The following AP1M2 variants were observed in gnomAD, a reference collection of about 807,000 sequenced individuals.
AP1M2 encodes adaptor related protein complex 1 subunit mu 2.
Under a neutral mutation model 54.6 loss-of-function variants are expected in AP1M2, and 41 were observed. The ratio of observed to expected loss-of-function variants is 0.75; its 90% CI spans 0.59 to 0.97. AP1M2 has a LOEUF of 0.97. AP1M2 is among the 50% of genes least tolerant of loss of function. AP1M2 has a pLI of 0.00. For synonymous variants in AP1M2, 219 were observed against 215.9 expected, an observed-to-expected ratio of 1.01 and a Z score of -0.13; for missense variants, 507 against 561.2, an observed-to-expected ratio of 0.90 and a Z score of 0.98.
Position 10,581,778 on chromosome 19 carries a change from G to A in AP1M2, c.368C>T (p.Pro123Leu), listed in dbSNP as rs756597491. Residue 123 changes from proline (P) to leucine (L), a missense_variant, in exon 4 of 12, where the codon CCG becomes CTG. Transcript: ENST00000250244. Reference sequence around the variant, plus strand: ...CAGGATCTTGCTGTCGGTGGTCTGCGGGAAGCCAAAGTCCATGAGCTCGTC... The same window carrying A: ...CAGGATCTTGCTGTCGGTGGTCTGCAGGAAGCCAAAGTCCATGAGCTCGTC... ...LLDELMDFGFPQTTDSKILQE... is the reference protein window; with the variant it reads ...LLDELMDFGFLQTTDSKILQE... 3.7e-6 allele frequency: 6 copies of A among 1,613,886 alleles called. No homozygotes were observed. Among genetic ancestry groups the A allele is most frequent in the South Asian group, 2.2e-5 (2 of 91,048 alleles).
chr19:10,584,289 G>C (rs927844659), intron 1 of AP1M2, among the ~76,000 whole-genome samples: 1 of 152,172 alleles, frequency 6.6e-6, no homozygotes, highest in Non-Finnish European at 1.5e-5. Flanking sequence ...TTTATTAAAG[G>C]GTAGGCGATG....
intron 9 of AP1M2, among the ~76,000 whole-genome samples, chr19:10,576,989 C>T (rs936288978): frequency 6.6e-6 from 1 of 152,128 alleles, no homozygotes; most frequent in Non-Finnish European, 1.5e-5. Context: ...GGCAGGGTCT[C>T]ACTGTGTTCC....
chr19:10,583,638 G>C lies in AP1M2; in HGVS notation c.235C>G (p.Leu79Val), dbSNP rs1438581755. 6 of 1,613,436 alleles carry C rather than the reference G, an allele frequency of 3.7e-6. No homozygotes were observed. Among genetic ancestry groups the C allele is most frequent in the Non-Finnish European group, 5.1e-6 (6 of 1,179,540 alleles). Residue 79 changes from leucine to valine, a missense_variant, in exon 3 of 12, where the codon CTG (leucine) becomes GTG (valine). Transcript: ENST00000250244. ...ATTSKNANAS[L>V]VYSFLYKTIE... ...GTCTTATACAGGAAGGAGTACACCAGGGAGGCATTGGCATTCTTCGATGTG... is the reference window on the plus strand; with the variant it reads ...GTCTTATACAGGAAGGAGTACACCACGGAGGCATTGGCATTCTTCGATGTG...
At chr19:10,575,114 T>G (rs1917190132) in intron 9 of AP1M2, 85 bp from the exon 10 acceptor site, 3 of 1,334,974 alleles carry the variant, frequency 2.2e-6, no homozygotes, top group Non-Finnish European at 2.0e-6. Flanking sequence ...GAGTCAGATC[T>G]GCTCACAGCC....
chr19:10,573,865 T>G (rs975493316), intron 11 of AP1M2, among the ~76,000 whole-genome samples: 3 of 151,666 alleles, frequency 2.0e-5, no homozygotes, highest in African/African-American at 7.3e-5. Context: ...TTTGCTGTGT[T>G]GCCAAGGCTG....
chr19:10,581,314 C>G lies in AP1M2; in HGVS notation c.625G>C (p.Glu209Gln). 1 of 1,613,930 alleles carries G rather than the reference C, an allele frequency of 6.2e-7. No individual in the cohort carries two copies. The highest frequency in any genetic ancestry group is 1.3e-5 in the African/African-American group (1 of 75,062). Reference protein sequence around the residue: ...KLKVFLSGMPELRLGLNDRVL... With the variant: ...KLKVFLSGMPQLRLGLNDRVL... The stretch of plus-strand genomic sequence containing the variant: ...CGGTCATTGAGGCCCAGCCGCAGCT[C>G]TGGCATTCCTGACAGAAACACCTTG... The change falls in exon 6 of 12, where the codon GAG (glutamate) becomes CAG (glutamine). Residue 209 changes from glutamate to glutamine, a missense_variant. Physicochemically the swap from Glu to Gln is conservative, Grantham distance 29. Coordinates refer to ENST00000250244, the MANE Select transcript of AP1M2 (RefSeq NM_005498.5).
rs556283553 is a variant in AP1M2, at chr19:10,578,981, G to C, written c.817-18C>G. The C allele has an allele frequency of 4.1e-5, 64 of 1,579,866 alleles. 1 individual carries two copies. The South Asian group carries it at 6.9e-4, about 17-fold the overall frequency. On this transcript the variant is annotated intron_variant, in intron 7 of 11. Transcript: ENST00000250244. ...GGCTTGACCTGTGGGAAGAAGAAGG[G>C]GAGAGTTCTTGGAGACTCCATGTTG... is the stretch of plus-strand genomic sequence containing the variant.
Position 10,584,312 on chromosome 19 carries a change from G to A in AP1M2, c.43-242C>T, listed in dbSNP as rs546024342. Among the ~76,000 whole-genome samples, 10 of 152,338 alleles carry A rather than the reference G, an allele frequency of 6.6e-5. 1 individual carries two copies. Among genetic ancestry groups the A allele is most frequent in the African/African-American group, 2.4e-4 (10 of 41,584 alleles). On this transcript the variant is annotated intron_variant, in intron 1 of 11. Transcript: ENST00000250244. ...AGGGTAGGCGATGGCTGGACGCAGT[G>A]GCTCACGCCTGTGATCCCAGCATTT...
In AP1M2 at chr19:10,578,969, GGAA is replaced by G. The variant is rs1179981593; in HGVS notation, c.817-9_817-7del. 3.8e-6 allele frequency: 6 copies of G among 1,596,040 alleles called. No homozygotes were observed. The highest frequency in any genetic ancestry group is 4.5e-5 in the East Asian group (2 of 44,182). ...ATCCAGATCAGTGGCTTGACCTGTG[GGAA>G]GAAGAAGGGGAGAGTTCTTGGAGAC... On this transcript the variant is annotated splice_polypyrimidine_tract_variant and splice_region_variant and intron_variant, in intron 7 of 11. Coordinates refer to ENST00000250244, the MANE Select transcript of AP1M2 (RefSeq NM_005498.5).
chr19:10,584,133 G>A lies in AP1M2; in HGVS notation c.43-63C>T, dbSNP rs1599554364. On this transcript the variant is annotated intron_variant, in intron 1 of 11. Coordinates refer to ENST00000250244, the MANE Select transcript of AP1M2 (RefSeq NM_005498.5). ...TCCAAGAACCTACCACGCTGAGGAG[G>A]CACAGTGCCCGGTTCTGACCCTACT... 1.9e-6 allele frequency: 3 copies of A among 1,554,632 alleles called. No individual in the cohort carries two copies. In the East Asian group the frequency reaches 7.1e-5, roughly 37 times the overall value.
intron 2 of AP1M2, 29 bp from the exon 3 acceptor site, chr19:10,583,702 C>A: frequency 6.2e-7 from 1 of 1,604,650 alleles, no homozygotes; most frequent in South Asian, 1.1e-5. Context: ...GGAAAAGGTG[C>A]CATTTATGGA....
At chr19:10,578,493 G>A (rs28648380) in intron 8 of AP1M2, among the ~76,000 whole-genome samples, 24 of 87,498 alleles carry the variant, frequency 2.7e-4, no homozygotes, top group East Asian at 1.3e-3. Flanking sequence ...AAAAACAAAC[G>A]AACAAACAAA....
intron 11 of AP1M2, 170 bp downstream of exon 11, chr19:10,574,247 C>T (rs756262420): frequency 9.2e-6 from 5 of 541,164 alleles, no homozygotes; most frequent in Middle Eastern, 4.8e-4. Context: ...CTCGAACTCC[C>T]GGCCTCAAGA....
chr19:10,580,930 G>A (rs529683282), intron 6 of AP1M2, among the ~76,000 whole-genome samples: 1 of 151,992 alleles, frequency 6.6e-6, no homozygotes, highest in Non-Finnish European at 1.5e-5. Context: ...ACTCCAGCCT[G>A]GGTGACAGAG....
chr19:10,585,283 A>AAAAG lies in AP1M2; in HGVS notation c.43-1217_43-1214dup, dbSNP rs71297575. On this transcript the variant is annotated intron_variant, in intron 1 of 11. Coordinates refer to ENST00000250244, the MANE Select transcript of AP1M2 (RefSeq NM_005498.5). ...AAGAAGGAAAGAAAGAAAGAAGAAA[A>AAAAG]AAAGAAAGAAAGAAAGAAAGAAAGA... Among the ~76,000 whole-genome samples the AAAAG allele has an allele frequency of 1.4e-3, 142 of 104,600 alleles. 2 individuals are homozygous for AAAAG. The highest frequency in any genetic ancestry group is 2.5e-3 in the South Asian group (8 of 3,138). The allele number at this position is 104,600 out of a possible 152,430, so 68.6% of individuals were successfully genotyped here.
chr19:10,573,498 C>T lies in AP1M2; in HGVS notation c.1250-410G>A, dbSNP rs148484826. Among the ~76,000 whole-genome samples the T allele has an allele frequency of 4.7e-3, 713 of 152,090 alleles. 2 individuals are homozygous for T. Among genetic ancestry groups the T allele is most frequent in the Non-Finnish European group, 7.8e-3 (531 of 68,020 alleles). On this transcript the variant is annotated intron_variant, in intron 11 of 11. Coordinates refer to ENST00000250244, the MANE Select transcript of AP1M2 (RefSeq NM_005498.5). Reference sequence around the variant, plus strand: ...CCTCAATTCATCCCCTATCCCAGCACTCATGATCAACAAGGCTAAGAATGG... The same window carrying T: ...CCTCAATTCATCCCCTATCCCAGCATTCATGATCAACAAGGCTAAGAATGG...
chr19:10,580,649 G>A (rs1042842482), intron 6 of AP1M2, among the ~76,000 whole-genome samples: 2 of 151,826 alleles, frequency 1.3e-5, no homozygotes, highest in Non-Finnish European at 2.9e-5. Flanking sequence ...GTGACGGAGC[G>A]AGACTCCATC....
At chr19:10,576,436 G>T (rs1426459914) in intron 9 of AP1M2, among the ~76,000 whole-genome samples, 5 of 151,494 alleles carry the variant, frequency 3.3e-5, no homozygotes, top group Non-Finnish European at 7.4e-5. Context: ...CTAATTTTTT[G>T]TATTTTTAGT....
intron 9 of AP1M2, among the ~76,000 whole-genome samples, chr19:10,576,646 G>A (rs1462470061): frequency 2.7e-5 from 4 of 150,844 alleles, no homozygotes; most frequent in Non-Finnish European, 4.4e-5. Context: ...TGATCTGCCC[G>A]CTTCAGCCTC....
Sources: gnomAD v4.1 joint callset for allele counts (sites outside exome capture counted in the v4.1 genomes callset) on GRCh38, gnomAD v4.1.1 for gene constraint, MANE v1.5 for transcripts, NCBI Gene and HGNC (gene_info 2026-07-23, HGNC 2026-07-21) for gene names.